CLCN3: variants seen among roughly 807,000 people sequenced by gnomAD.
CLCN3 encodes Cl-/H+ antiporter 3.
Under a neutral mutation model 83.4 loss-of-function variants are expected in CLCN3, and 16 were observed. The ratio of observed to expected loss-of-function variants is 0.19; its 90% CI spans 0.13 to 0.29. The LOEUF (loss-of-function observed/expected upper bound fraction) is 0.29. CLCN3 is among the 10% of genes least tolerant of loss of function. CLCN3 has a pLI of 1.00. For missense variants in CLCN3, 544 were observed against 1,006.0 expected, an observed-to-expected ratio of 0.54 and a Z score of 6.21; for synonymous variants, 322 against 346.2, an observed-to-expected ratio of 0.93 and a Z score of 0.78.
At chr4:169,666,616 A>G (rs2150224961) in intron 2 of CLCN3, among the ~76,000 whole-genome samples, 1 of 152,342 alleles carries the variant, frequency 6.6e-6, no homozygotes, top group Non-Finnish European at 1.5e-5. Context: ...GTGCATATAC[A>G]TATGTGTTTG....
Position 169,720,671 on chromosome 4 carries a change from T to A in CLCN3, c.*674T>A, listed in dbSNP as rs1336101387. On this transcript the variant is annotated 3_prime_UTR_variant, in exon 13 of 13. Transcript: ENST00000513761. ...GGTTTCATCACAAGAAGGGAGTGTT[T>A]CTTGTGCCATTAACCATGTAGTTTG... The A allele has an allele frequency of 6.6e-6, 1 of 152,670 alleles. No individual in the cohort carries two copies. Among genetic ancestry groups the A allele is most frequent in the Admixed American group, 6.5e-5 (1 of 15,272 alleles). The allele number at this position is 152,670 out of a possible 1,614,324, so 9.5% of individuals were successfully genotyped here.
In CLCN3 at chr4:169,638,576, A is replaced by AT. The variant is rs572752839; in HGVS notation, c.160+2494dup. 4.3e-4 allele frequency among the ~76,000 whole-genome samples: 65 copies of AT among 152,238 alleles called. No homozygotes were observed. In the South Asian group the frequency reaches 4.4e-3, roughly 10 times the overall value. On this transcript the variant is annotated intron_variant, in intron 2 of 12. Transcript: ENST00000513761. ...AACAGGTGAAATTAATAGCATACCCATTTTTTCTGTGTTTAAATAGCTCTT... is the reference window on the plus strand; with the variant it reads ...AACAGGTGAAATTAATAGCATACCCATTTTTTTCTGTGTTTAAATAGCTCTT...
intron 2 of CLCN3, among the ~76,000 whole-genome samples, chr4:169,647,974 C>T (rs1339984151): frequency 1.3e-5 from 2 of 152,148 alleles, no homozygotes; most frequent in Non-Finnish European, 2.9e-5. Context: ...ATAGTGTTTC[C>T]AAAGACCCAT....
chr4:169,714,522 C>A (rs1476558575), intron 12 of CLCN3, among the ~76,000 whole-genome samples: 1 of 152,082 alleles, frequency 6.6e-6, no homozygotes, highest in Non-Finnish European at 1.5e-5. Context: ...ATGTGGTGAA[C>A]AAGTCATGGT....
chr4:169,675,520 CATT>C (rs1343675248), intron 2 of CLCN3, among the ~76,000 whole-genome samples: 1 of 152,070 alleles, frequency 6.6e-6, no homozygotes, highest in African/African-American at 2.4e-5. Context: ...TTTTTTTAAA[CATT>C]AGTACAGAGT....
chr4:169,688,455 A>T (rs1732243810), intron 4 of CLCN3, among the ~76,000 whole-genome samples: 1 of 152,206 alleles, frequency 6.6e-6, no homozygotes, highest in Non-Finnish European at 1.5e-5. Flanking sequence ...ATTTTTGTGG[A>T]GAATAAAGTA....
chr4:169,701,160 A>G (rs986191415), intron 9 of CLCN3, among the ~76,000 whole-genome samples: 2 of 152,240 alleles, frequency 1.3e-5, no homozygotes, highest in Non-Finnish European at 2.9e-5. Flanking sequence ...AGGAAAATTC[A>G]AAATCTTTTG....
chr4:169,654,354 T>C (rs987752723), intron 2 of CLCN3, among the ~76,000 whole-genome samples: 1 of 152,148 alleles, frequency 6.6e-6, no homozygotes, highest in Admixed American at 6.5e-5. Context: ...ATGAATTGGT[T>C]TGCCTTTTTT....
At chr4:169,631,665 T>A (rs529172878) in intron 1 of CLCN3, among the ~76,000 whole-genome samples, 5 of 152,240 alleles carry the variant, frequency 3.3e-5, no homozygotes, top group Admixed American at 3.3e-4. Flanking sequence ...ATATTAGACC[T>A]TTGTCAGACG....
At chr4:169,672,510 A>G (rs928785486) in intron 2 of CLCN3, among the ~76,000 whole-genome samples, 2 of 152,104 alleles carry the variant, frequency 1.3e-5, no homozygotes, top group African/African-American at 4.8e-5. Flanking sequence ...TTATGCTGTG[A>G]CGGTACCTAA....
At chr4:169,700,681 C>T (rs183900854) in intron 9 of CLCN3, among the ~76,000 whole-genome samples, 1 of 152,106 alleles carries the variant, frequency 6.6e-6, no homozygotes, top group East Asian at 1.9e-4. Flanking sequence ...AATAGACTTA[C>T]CTGAGAGATA....
At position 169,635,908 on chromosome 4, in the gene CLCN3, C is replaced by A. The variant is rs1249193417; in HGVS notation, c.-16-5C>A. ...AATGTTAAAACTACTTTTTCCCCCCCACAGATAATCAGACAGCTAAATGGA... is the reference window on the plus strand; with the variant it reads ...AATGTTAAAACTACTTTTTCCCCCCAACAGATAATCAGACAGCTAAATGGA... On this transcript the variant is annotated splice_region_variant and splice_polypyrimidine_tract_variant and intron_variant, in intron 1 of 12. Coordinates refer to ENST00000513761, the MANE Select transcript of CLCN3 (RefSeq NM_001829.4). 8.6e-6 allele frequency: 13 copies of A among 1,514,692 alleles called. No individual in the cohort carries two copies. Among genetic ancestry groups the A allele is most frequent in the African/African-American group, 1.4e-5 (1 of 70,888 alleles). 93.8% of individuals were successfully genotyped at this position (1,514,692 alleles called of 1,614,324 possible).
chr4:169,719,025 GT>G (rs1393949453), intron 12 of CLCN3, among the ~76,000 whole-genome samples: 1 of 152,178 alleles, frequency 6.6e-6, no homozygotes, highest in Non-Finnish European at 1.5e-5. Context: ...TTATAGATTT[GT>G]TCTTGGGGCT....
chr4:169,633,347 AC>A (rs1773427114), intron 1 of CLCN3, among the ~76,000 whole-genome samples: 4 of 152,338 alleles, frequency 2.6e-5, no homozygotes, highest in Admixed American at 2.6e-4. Context: ...GAATATATTT[AC>A]AAGCTACTGT....
At chr4:169,683,644 C>G (rs1440872240) in intron 3 of CLCN3, among the ~76,000 whole-genome samples, 1 of 152,068 alleles carries the variant, frequency 6.6e-6, no homozygotes, top group Non-Finnish European at 1.5e-5. Flanking sequence ...CTAGACCAAT[C>G]AAATATTTTT....
At chr4:169,644,483 C>T (rs1027372559) in intron 2 of CLCN3, among the ~76,000 whole-genome samples, 7 of 152,048 alleles carry the variant, frequency 4.6e-5, no homozygotes, top group Non-Finnish European at 8.8e-5. Context: ...TTCAAGTGAT[C>T]CGCCCGCCTC....
At chr4:169,630,032 A>G (rs934711264) in intron 1 of CLCN3, among the ~76,000 whole-genome samples, 1 of 152,260 alleles carries the variant, frequency 6.6e-6, no homozygotes, top group African/African-American at 2.4e-5. Context: ...AGGGCTTAAG[A>G]TATTGCCTAG....
At chr4:169,656,229 A>G (rs1560838567) in intron 2 of CLCN3, among the ~76,000 whole-genome samples, 1 of 152,216 alleles carries the variant, frequency 6.6e-6, no homozygotes, top group Non-Finnish European at 1.5e-5. Flanking sequence ...ATTTATAAAG[A>G]AAAGAGATGT....
rs150892826 is a variant in CLCN3, at chr4:169,720,186, G to C, written c.*189G>C. On this transcript the variant is annotated 3_prime_UTR_variant, in exon 13 of 13. Transcript: ENST00000513761. The stretch of plus-strand genomic sequence containing the variant: ...GTGGAATGGAGGAGTTGTTTGGGGA[G>C]GGAAAGGAGAGAGAAGGAAAGGAGT... 3.3e-4 allele frequency: 262 copies of C among 785,158 alleles called. 1 individual carries two copies. In the African/African-American group the frequency reaches 3.6e-3, roughly 11 times the overall value. 48.6% of individuals were successfully genotyped at this position (785,158 alleles called of 1,614,324 possible).
Sources: gnomAD v4.1 joint callset for allele counts (sites outside exome capture counted in the v4.1 genomes callset) on GRCh38, gnomAD v4.1.1 for gene constraint, MANE v1.5 for transcripts, NCBI Gene and HGNC (gene_info 2026-07-23, HGNC 2026-07-21) for gene names.